ESR1: variants seen among roughly 807,000 people sequenced by gnomAD.
ESR1 encodes estrogen receptor 1.
A neutral mutation model predicts 52.7 loss-of-function variants in ESR1; 12 were observed. The observed-to-expected ratio is 0.23, with a 90% CI of 0.15 to 0.37. ESR1 has a LOEUF of 0.37. ESR1 is among the 10% of genes least tolerant of loss of function. The probability of loss-of-function intolerance (pLI) is 1.00; values close to 1 mark genes in which losing one functional copy is unlikely to be tolerated. For missense variants in ESR1, 584 were observed against 779.7 expected (o/e 0.75, Z 2.99); for synonymous variants, 305 against 316.8 (o/e 0.96, Z 0.39).
chr6:151,900,424 T>TTTTGTTAAGTCAC (rs1796498506), intron 3 of ESR1, among the ~76,000 whole-genome samples: 4 of 152,226 alleles, frequency 2.6e-5, no homozygotes, highest in African/African-American at 4.8e-5. Flanking sequence ...CAATCGACCT[T>TTTTGTTAAGTCAC]CTGAATTCTT....
intron 6 of ESR1, among the ~76,000 whole-genome samples, chr6:152,085,337 C>G (rs920657998): frequency 2.0e-5 from 3 of 148,624 alleles, no homozygotes; most frequent in African/African-American, 7.7e-5. Context: ...CAAAACAAAA[C>G]AAAAAGAAAA....
chr6:151,826,012 C>T (rs1420779099), intron 1 of ESR1, among the ~76,000 whole-genome samples: 2 of 150,374 alleles, frequency 1.3e-5, no homozygotes, highest in African/African-American at 4.9e-5. Context: ...GACTAGGTAA[C>T]AGCTGAGTGA....
At chr6:151,745,923 C>T (rs533990862) in intron 2 of ESR1, among the ~76,000 whole-genome samples, 2 of 152,208 alleles carry the variant, frequency 1.3e-5, no homozygotes, top group African/African-American at 4.8e-5. Context: ...TGGCAACCAC[C>T]ATTATTCTTT....
chr6:151,716,598 A>G (rs546400602), intron 2 of ESR1, among the ~76,000 whole-genome samples: 3 of 152,290 alleles, frequency 2.0e-5, no homozygotes, highest in South Asian at 4.1e-4. Flanking sequence ...TGCTTCACCC[A>G]GTTTGAACTT....
chr6:151,875,786 GAC>G (rs932050292), intron 2 of ESR1, among the ~76,000 whole-genome samples: 6 of 152,176 alleles, frequency 3.9e-5, no homozygotes, highest in African/African-American at 1.4e-4. Context: ...TCAACAGAAA[GAC>G]ATGATCAGAG....
At chr6:151,736,424 G>A (rs1447337719) in intron 2 of ESR1, among the ~76,000 whole-genome samples, 1 of 128,718 alleles carries the variant, frequency 7.8e-6, no homozygotes, top group Non-Finnish European at 1.5e-5. Flanking sequence ...CCAAGCTGTA[G>A]TGTGGTGGCG....
At chr6:152,059,283 T>C (rs1164163570) in intron 5 of ESR1, among the ~76,000 whole-genome samples, 1 of 152,028 alleles carries the variant, frequency 6.6e-6, no homozygotes, top group African/African-American at 2.4e-5. Flanking sequence ...AAGATAATTT[T>C]ATATGTTATG....
At chr6:151,676,533 T>C (rs1009329385) in intron 1 of ESR1, among the ~76,000 whole-genome samples, 3 of 152,178 alleles carry the variant, frequency 2.0e-5, no homozygotes, top group African/African-American at 4.8e-5. Flanking sequence ...TATAGTTCAG[T>C]GCTCCTGTTT....
chr6:152,007,725 C>A (rs2042440240), intron 4 of ESR1, among the ~76,000 whole-genome samples: 1 of 152,092 alleles, frequency 6.6e-6, no homozygotes, highest in Non-Finnish European at 1.5e-5. Flanking sequence ...AGGCCCATGG[C>A]CCCCATGTCA....
At chr6:151,684,407 C>T (rs778322622) in intron 1 of ESR1, among the ~76,000 whole-genome samples, 7 of 152,098 alleles carry the variant, frequency 4.6e-5, no homozygotes, top group East Asian at 1.9e-4. Context: ...TGCAGTAACA[C>T]GGTGAGGATG....
chr6:151,704,328 C>A (rs1322358081), intron 2 of ESR1, among the ~76,000 whole-genome samples: 1 of 152,180 alleles, frequency 6.6e-6, no homozygotes, highest in Non-Finnish European at 1.5e-5. Context: ...ACCTCTGCCT[C>A]CCCGGTTCAA....
intron 5 of ESR1, 39 bp from the exon 6 acceptor site, chr6:152,060,952 C>A (rs756954458): frequency 1.8e-5 from 27 of 1,499,818 alleles, no homozygotes; most frequent in Middle Eastern, 1.9e-4. Flanking sequence ...GTTTTTTAAT[C>A]TTTTTATTTA....
At chr6:152,012,554 C>A (rs111343129) in intron 5 of ESR1, among the ~76,000 whole-genome samples, 1 of 152,124 alleles carries the variant, frequency 6.6e-6, no homozygotes, top group African/African-American at 2.4e-5. Context: ...TCAGAGACAT[C>A]CTGCTACTTG....
chr6:151,988,597 G>A (rs2040724913), intron 4 of ESR1, among the ~76,000 whole-genome samples: 1 of 151,964 alleles, frequency 6.6e-6, no homozygotes, highest in South Asian at 2.1e-4. Flanking sequence ...GGAGGCAGAT[G>A]ATCAGAAAAA....
At chr6:151,854,804 C>T (rs1221690049) in intron 2 of ESR1, among the ~76,000 whole-genome samples, 2 of 152,132 alleles carry the variant, frequency 1.3e-5, no homozygotes, top group South Asian at 2.1e-4. Flanking sequence ...AATATTTTTC[C>T]TTATACATCA....
chr6:151,682,318 C>G (rs2115302178), intron 1 of ESR1, among the ~76,000 whole-genome samples: 1 of 152,256 alleles, frequency 6.6e-6, no homozygotes, highest in East Asian at 1.9e-4. Flanking sequence ...TCCCATCTTT[C>G]GTTTCCTCCT....
At chr6:152,122,621 C>A (rs2295191) in intron 6 of ESR1, 3 of 1,614,110 alleles carry the variant, frequency 1.9e-6, no homozygotes, top group East Asian at 4.5e-5. Flanking sequence ...AAGCCGCGGC[C>A]GGACCGACCT....
chr6:151,733,819 G>T (rs1782439299), intron 2 of ESR1, among the ~76,000 whole-genome samples: 1 of 152,118 alleles, frequency 6.6e-6, no homozygotes, highest in African/African-American at 2.4e-5. Flanking sequence ...ACTCTAGAGG[G>T]CCCAGATCCT....
intron 2 of ESR1, among the ~76,000 whole-genome samples, chr6:151,876,270 G>A (rs552495502): frequency 7.9e-5 from 12 of 152,188 alleles, no homozygotes; most frequent in African/African-American, 1.9e-4. Flanking sequence ...GAAGACAGTC[G>A]TCAGTTCTGT....
Sources: gnomAD v4.1 joint callset for allele counts (sites outside exome capture counted in the v4.1 genomes callset) on GRCh38, gnomAD v4.1.1 for gene constraint, MANE v1.5 for transcripts, NCBI Gene and HGNC (gene_info 2026-07-23, HGNC 2026-07-21) for gene names.